The following SDS variants were observed in gnomAD, a reference collection of about 807,000 sequenced individuals.
SDS encodes L-serine dehydratase/L-threonine deaminase.
SDS carries 19 observed loss-of-function variants against 29.3 expected under a neutral mutation model. That is an observed-to-expected ratio of 0.65 (90% CI 0.45 to 0.95). The LOEUF (loss-of-function observed/expected upper bound fraction) is 0.95, where lower values mean the gene tolerates loss of function less well. SDS is among the 40% of genes least tolerant of loss of function. The pLI, the probability that SDS is intolerant of heterozygous loss-of-function variation, is 0.00. For missense variants in SDS, 375 were observed against 439.9 expected (o/e 0.85, Z 1.32); for synonymous variants, 176 against 189.0 (o/e 0.93, Z 0.56).
intron 2 of SDS, 49 bp downstream of exon 2, chr12:113,399,507 A>G: frequency 6.7e-7 from 1 of 1,488,116 alleles, no homozygotes; most frequent in Non-Finnish European, 8.9e-7. Flanking sequence ...CCTGTTGAGG[A>G]AGGAGGACCT....
At position 113,393,997 on chromosome 12, in the gene SDS, C is replaced by T. The variant is rs371979944; in HGVS notation, c.673G>A (p.Val225Met). ...AGGGCCTGAGCCCCCACAGTCTTCA[C>T]GCCCAGGGCCTTGGCAACACTGAGA... ...KITSVAKALG[V>M]KTVGAQALKL... The change falls in exon 7 of 8, where the codon GTG becomes ATG. Residue 225 changes from valine (V) to methionine (M), a missense_variant. Coordinates refer to ENST00000257549, the MANE Select transcript of SDS (RefSeq NM_006843.3). 38 of 1,613,994 alleles carry T rather than the reference C, an allele frequency of 2.4e-5. No homozygotes were observed. The highest frequency in any genetic ancestry group is 2.9e-5 in the Non-Finnish European group (34 of 1,180,004).
Position 113,393,902 on chromosome 12 carries a change from C to A in SDS, c.768G>T (p.Glu256Asp). ...GGACCTGGCACATACCCACGAACTTCTCAATGGCGGCCACAGCCTCCTGGT... is the reference window on the plus strand; with the variant it reads ...GGACCTGGCACATACCCACGAACTTATCAATGGCGGCCACAGCCTCCTGGT... ...ISDQEAVAAI[E>D]KFVDDEKILV... is the part of the protein sequence containing the mutation. The change falls in exon 7 of 8, where the codon GAG becomes GAT. Residue 256 changes from glutamate to aspartate, a missense_variant. Transcript: ENST00000257549. The A allele has an allele frequency of 6.2e-7, 1 of 1,614,210 alleles. No homozygotes were observed. Among genetic ancestry groups the A allele is most frequent in the East Asian group, 2.2e-5 (1 of 44,884 alleles).
chr12:113,395,302 G>A lies in SDS; in HGVS notation c.654-1286C>T, dbSNP rs77607740. On this transcript the variant is annotated intron_variant, in intron 6 of 7. Coordinates refer to ENST00000257549, the MANE Select transcript of SDS (RefSeq NM_006843.3). ...GAGCCACCTCAGCCCTCAGCAGCAC[G>A]TGGTTTACAGTAGGCGCTCAGCCAT... Among the ~76,000 whole-genome samples the A allele has an allele frequency of 7.9e-3, 1,207 of 152,338 alleles. 11 individuals carry two copies. The highest frequency in any genetic ancestry group is 0.014 in the Middle Eastern group (4 of 294).
intron 5 of SDS, 145 bp from the exon 6 acceptor site, chr12:113,397,537 C>T: frequency 1.5e-6 from 1 of 676,744 alleles, no homozygotes; most frequent in Non-Finnish European, 2.5e-6. Flanking sequence ...CTGCCAGCAT[C>T]TGTGTCTCTG....
intron 7 of SDS, 108 bp from the exon 8 acceptor site, chr12:113,393,257 C>T (rs1593296493): frequency 2.7e-6 from 3 of 1,091,588 alleles, no homozygotes; most frequent in East Asian, 2.4e-5. Flanking sequence ...CAGCTCTCAG[C>T]CCTGGCTGCA....
In SDS at chr12:113,397,278, C is replaced by T. The variant is rs1565869621; in HGVS notation, c.540G>A (p.Leu180=). 2 of 1,614,216 alleles carry T rather than the reference C, an allele frequency of 1.2e-6. No homozygotes were observed. Among genetic ancestry groups the T allele is most frequent in the South Asian group, 2.2e-5 (2 of 91,086 alleles). Residue 180 remains leucine, a synonymous_variant, in exon 6 of 8, where the codon CTG becomes CTA. Transcript: ENST00000257549. ...GGLLCGVVQG[L]QEVGWGDVPV... ...GCACGTCCCCCCAGCCCACCTCCTG[C>T]AGCCCCTGGACCACTCCACACAGCA...
At chr12:113,393,264 T>A in intron 7 of SDS, 115 bp from the exon 8 acceptor site, 2 of 1,027,064 alleles carry the variant, frequency 1.9e-6, no homozygotes, top group Non-Finnish European at 2.9e-6. Context: ...CAGCCCTGGC[T>A]GCAGCCGCAG....
At chr12:113,397,106 C>G in intron 6 of SDS, 59 bp downstream of exon 6, 1 of 1,456,734 alleles carries the variant, frequency 6.9e-7, no homozygotes. Flanking sequence ...CAAAGCCAGC[C>G]CTAAGGGGGA....
chr12:113,398,480 G>T, intron 5 of SDS, 35 bp downstream of exon 5: 1 of 1,405,452 alleles, frequency 7.1e-7, no homozygotes. Flanking sequence ...GGCAGTGGCT[G>T]CCACCCCCAC....
At chr12:113,393,182 C>T (rs1957622175) in intron 7 of SDS, 33 bp from the exon 8 acceptor site, 2 of 1,604,192 alleles carry the variant, frequency 1.2e-6, no homozygotes, top group Non-Finnish European at 1.7e-6. Flanking sequence ...GGGGCGTGGC[C>T]TGAGTTTCCC....
At chr12:113,399,358 T>C (rs1401007424) in intron 2 of SDS, 198 bp downstream of exon 2, 1 of 841,492 alleles carries the variant, frequency 1.2e-6, no homozygotes, top group Non-Finnish European at 1.9e-6. Context: ...GACTGATGGC[T>C]CTGGGATCAG....
rs749693153 is a variant in SDS, at chr12:113,398,594, C to T, written c.346G>A (p.Ala116Thr). The T allele has an allele frequency of 4.4e-6, 7 of 1,595,284 alleles. No homozygotes were observed. The Admixed American group carries it at 1.2e-4, about 28-fold the overall frequency. The change falls in exon 5 of 8, where the codon GCC (alanine) becomes ACC (threonine). Residue 116 changes from alanine (A) to threonine (T), a missense_variant. By Grantham distance (58) the Ala-to-Thr change is moderately conservative (BLOSUM62 0). Coordinates refer to ENST00000257549, the MANE Select transcript of SDS (RefSeq NM_006843.3). ...GCTAGGGCCTTGGCCAGCTCGAAGG[C>T]TTCATCCAATAACTGCAAAGCCACA... ...VKVVGELLDE[A>T]FELAKALAKN...
At chr12:113,399,941 C>T (rs1957674197) in intron 1 of SDS, among the ~76,000 whole-genome samples, 1 of 152,220 alleles carries the variant, frequency 6.6e-6, no homozygotes, top group Admixed American at 6.5e-5. Context: ...CACTCCTGAC[C>T]TCTCACACAT....
intron 6 of SDS, among the ~76,000 whole-genome samples, chr12:113,394,786 A>C (rs974064151): frequency 2.0e-5 from 3 of 152,034 alleles, no homozygotes; most frequent in Admixed American, 1.3e-4. Flanking sequence ...CCGGGTTACA[A>C]CCGCTACCTG....
chr12:113,397,904 C>T (rs1219425847), intron 5 of SDS, among the ~76,000 whole-genome samples: 1 of 152,130 alleles, frequency 6.6e-6, no homozygotes, highest in African/African-American at 2.4e-5. Flanking sequence ...AACCTTTGTC[C>T]CCAAGTCTGC....
intron 6 of SDS, among the ~76,000 whole-genome samples, chr12:113,396,014 G>A (rs1268578147): frequency 2.6e-5 from 4 of 152,178 alleles, no homozygotes; most frequent in Non-Finnish European, 5.9e-5. Flanking sequence ...CAGGAGAATC[G>A]CTTGAACTTG....
rs771073696 is a variant in SDS, at chr12:113,393,953, G to T, written c.717C>A (p.His239Gln). Residue 239 changes from histidine (H) to glutamine (Q), a missense_variant, in exon 7 of 8, where the codon CAC becomes CAA. By Grantham distance (24) the His-to-Gln change is conservative (BLOSUM62 0). Transcript: ENST00000257549. Reference sequence around the variant, plus strand: ...CCGAGATAACTTCAGAGAAAATGGGGTGTTCCTGAAACAGCTTCAGGGCCT... The same window carrying T: ...CCGAGATAACTTCAGAGAAAATGGGTTGTTCCTGAAACAGCTTCAGGGCCT... ...GAQALKLFQE[H>Q]PIFSEVISDQ... 6 of 1,614,208 alleles carry T rather than the reference G, an allele frequency of 3.7e-6. No individual in the cohort carries two copies. In the Admixed American group the frequency reaches 5.0e-5, roughly 13 times the overall value.
At chr12:113,393,293 C>A (rs927082672) in intron 7 of SDS, 144 bp from the exon 8 acceptor site, 3 of 795,648 alleles carry the variant, frequency 3.8e-6, no homozygotes, top group Admixed American at 2.6e-5. Flanking sequence ...CCAAACGTCC[C>A]GTCATCGGCC....
At chr12:113,397,460 A>AC (rs956276762) in intron 5 of SDS, 68 bp from the exon 6 acceptor site, 4 of 1,352,544 alleles carry the variant, frequency 3.0e-6, no homozygotes, top group Admixed American at 3.9e-5. Flanking sequence ...TCAGGTTTGC[A>AC]CCGGCCTTAT....
Sources: gnomAD v4.1 joint callset for allele counts (sites outside exome capture counted in the v4.1 genomes callset) on GRCh38, gnomAD v4.1.1 for gene constraint, MANE v1.5 for transcripts, NCBI Gene and HGNC (gene_info 2026-07-23, HGNC 2026-07-21) for gene names.